The following SFXN5 variants were observed in gnomAD, a reference collection of about 807,000 sequenced individuals.
The protein encoded by SFXN5 is sideroflexin-5.
A neutral mutation model predicts 50.2 loss-of-function variants in SFXN5; 43 were observed. The ratio of observed to expected loss-of-function variants is 0.86; its 90% CI spans 0.67 to 1.11. The LOEUF (loss-of-function observed/expected upper bound fraction) is 1.11. SFXN5 is among the 50% of genes least tolerant of loss of function. SFXN5 has a pLI of 0.00. For missense variants in SFXN5, 463 were observed against 454.1 expected, an observed-to-expected ratio of 1.02 and a Z score of -0.18; for synonymous variants, 203 against 185.8, an observed-to-expected ratio of 1.09 and a Z score of -0.75.
rs115104657 is a variant in SFXN5 at position 72,950,350 on chromosome 2, T to C, written c.946-5251A>G. ...TTTCAGTGACTGCCTGGGGTCCACA[T>C]TGTCCGACCCCCACCTCATGCTGAT... On this transcript the variant is annotated intron_variant, in intron 13 of 13. Coordinates refer to ENST00000272433, the MANE Select transcript of SFXN5 (RefSeq NM_144579.3). The surrounding 1 kb of genome is among the most constrained non-coding windows in gnomAD (Gnocchi z 4.2). 3.8e-3 allele frequency among the ~76,000 whole-genome samples: 586 copies of C among 152,256 alleles called. 2 individuals are homozygous for C. The highest frequency in any genetic ancestry group is 0.013 in the African/African-American group (550 of 41,552).
rs916744840 is a variant in SFXN5 at position 72,960,412 on chromosome 2, C to T, written c.945+719G>A. On this transcript the variant is annotated intron_variant, in intron 13 of 13. Coordinates refer to ENST00000272433, the MANE Select transcript of SFXN5 (RefSeq NM_144579.3). The surrounding 1 kb of genome is among the most constrained non-coding windows in gnomAD (Gnocchi z 6.1). ...CCCGAAGAAGCCGCCTCCTGACTCC[C>T]TCTTTAGGGACCCACTTCTCTCCAT... Among the ~76,000 whole-genome samples the T allele has an allele frequency of 2.0e-5, 3 of 152,150 alleles. No homozygotes were observed. The highest frequency in any genetic ancestry group is 2.9e-5 in the Non-Finnish European group (2 of 68,030).
chr2:72,954,137 G>A (rs1672825313), intron 13 of SFXN5, among the ~76,000 whole-genome samples: 1 of 152,160 alleles, frequency 6.6e-6, no homozygotes, highest in South Asian at 2.1e-4. Flanking sequence ...ATAACGGGCT[G>A]AGGACATCGG....
intron 2 of SFXN5, 95 bp downstream of exon 2, chr2:73,058,433 A>G: frequency 8.4e-7 from 1 of 1,191,308 alleles, no homozygotes; most frequent in Non-Finnish European, 1.2e-6. Context: ...TATTCTCTTC[A>G]CTCCCCCATC....
chr2:73,064,035 A>G (rs1274587752), intron 1 of SFXN5, among the ~76,000 whole-genome samples: 1 of 152,162 alleles, frequency 6.6e-6, no homozygotes, highest in East Asian at 1.9e-4. Context: ...AAGAAAGGTG[A>G]GTCAGCTAAT....
chr2:73,029,573 G>C (rs2105875021), intron 3 of SFXN5, among the ~76,000 whole-genome samples: 1 of 152,166 alleles, frequency 6.6e-6, no homozygotes, highest in South Asian at 2.1e-4. Flanking sequence ...AGGGCCCCAG[G>C]GGCTGGTGGC....
chr2:72,969,055 G>A (rs568688629), intron 11 of SFXN5, among the ~76,000 whole-genome samples: 17 of 151,932 alleles, frequency 1.1e-4, no homozygotes, highest in African/African-American at 3.1e-4. Context: ...TGATCCGCCC[G>A]CCTCAGCATC....
intron 2 of SFXN5, among the ~76,000 whole-genome samples, chr2:73,054,568 C>T (rs2106006944): frequency 6.6e-6 from 1 of 152,284 alleles, no homozygotes; most frequent in African/African-American, 2.4e-5. Context: ...CCTCCTGGCA[C>T]AGGCAGCATG....
intron 6 of SFXN5, among the ~76,000 whole-genome samples, chr2:73,003,604 A>G (rs1014480329): frequency 2.0e-5 from 3 of 152,200 alleles, no homozygotes; most frequent in African/African-American, 7.2e-5. Context: ...CCACAGCCCC[A>G]TCTGCCAAGT....
At chr2:72,995,358 A>T (rs1306077981) in intron 9 of SFXN5, among the ~76,000 whole-genome samples, 1 of 152,204 alleles carries the variant, frequency 6.6e-6, no homozygotes, top group African/African-American at 2.4e-5. Context: ...GCAGCCAGAC[A>T]TTGCCAAATC....
rs185684154 is a variant in SFXN5, at chr2:73,027,576, C to G, written c.250-4362G>C. The stretch of plus-strand genomic sequence containing the variant: ...TGTCCTGGGCCTTCACATTCACTGA[C>G]CACTCACTCACTCACTCAGAGCAAC... On this transcript the variant is annotated intron_variant, in intron 3 of 13. Coordinates refer to ENST00000272433, the MANE Select transcript of SFXN5 (RefSeq NM_144579.3). 2.3e-3 allele frequency among the ~76,000 whole-genome samples: 344 copies of G among 152,296 alleles called. 2 individuals carry two copies. Among genetic ancestry groups the G allele is most frequent in the Admixed American group, 3.1e-3 (48 of 15,286 alleles).
rs1679602481 is a variant in SFXN5 at position 73,041,382 on chromosome 2, A to T, written c.172-451T>A. Among the ~76,000 whole-genome samples the T allele has an allele frequency of 2.0e-5, 3 of 152,168 alleles. No individual in the cohort carries two copies. The South Asian group carries it at 6.2e-4, about 31-fold the overall frequency. On this transcript the variant is annotated intron_variant, in intron 2 of 13. Coordinates refer to ENST00000272433, the MANE Select transcript of SFXN5 (RefSeq NM_144579.3). ...GGCAAGGGGTGTCACAAGGAACTTTAATCTTAATGTAATGTTGAAAGCTTT... is the reference window on the plus strand; with the variant it reads ...GGCAAGGGGTGTCACAAGGAACTTTTATCTTAATGTAATGTTGAAAGCTTT...
intron 9 of SFXN5, among the ~76,000 whole-genome samples, chr2:72,990,025 G>A (rs983157562): frequency 9.7e-4 from 147 of 152,254 alleles, no homozygotes; most frequent in African/African-American, 3.5e-3. Context: ...GCCTTGGGAA[G>A]GCCTCCAGGG....
chr2:73,027,139 T>G (rs1241429239), intron 3 of SFXN5, among the ~76,000 whole-genome samples: 1 of 152,216 alleles, frequency 6.6e-6, no homozygotes, highest in African/African-American at 2.4e-5. Flanking sequence ...GAGGCATACT[T>G]ATCATAGGAG....
intron 13 of SFXN5, among the ~76,000 whole-genome samples, chr2:72,955,312 G>A (rs1408449473): frequency 1.3e-5 from 2 of 152,116 alleles, no homozygotes; most frequent in Non-Finnish European, 2.9e-5. Flanking sequence ...CAGTAATCCC[G>A]CTGCACAGTG....
chr2:73,005,278 G>A (rs546170063), intron 6 of SFXN5, among the ~76,000 whole-genome samples: 13 of 152,276 alleles, frequency 8.5e-5, no homozygotes, highest in Non-Finnish European at 1.9e-4. Context: ...CCCCTCTGCC[G>A]CTCCAGCCCC....
chr2:73,058,951 C>T, intron 1 of SFXN5: 2 of 621,944 alleles, frequency 3.2e-6, no homozygotes, highest in Non-Finnish European at 4.1e-6. Context: ...GGTCCCCAGC[C>T]CTCTCCCAGC....
chr2:73,025,209 T>A (rs1677406991), intron 3 of SFXN5, among the ~76,000 whole-genome samples: 1 of 151,682 alleles, frequency 6.6e-6, no homozygotes, highest in African/African-American at 2.4e-5. Context: ...GTAAGCACCT[T>A]CCTGAAGTGC....
chr2:72,974,857 A>G (rs76108494), intron 10 of SFXN5, among the ~76,000 whole-genome samples: 56 of 104,374 alleles, frequency 5.4e-4, no homozygotes, highest in South Asian at 2.1e-3. Context: ...GAGAGAGAGA[A>G]AAAAAAAAAA....
At position 72,996,506 on chromosome 2, in the gene SFXN5, TG is replaced by T. The variant is rs758733389; in HGVS notation, c.534+2442del. On this transcript the variant is annotated intron_variant, in intron 9 of 13. Transcript: ENST00000272433. ...GGAGCTCTCAGAAAAAGCTGAGTTTTGTTTTTTTTTTTTTTTTTTTGAGACA... is the reference window on the plus strand; with the variant it reads ...GGAGCTCTCAGAAAAAGCTGAGTTTTTTTTTTTTTTTTTTTTTTTGAGACA... 1.3e-3 allele frequency: 159 copies of T among 122,312 alleles called. 4 individuals are homozygous for T. The East Asian group carries it at 0.016, about 12-fold the overall frequency. 7.6% of individuals were successfully genotyped at this position (122,312 alleles called of 1,614,324 possible). A position where few individuals can be genotyped will look rare whatever the true frequency, so the allele number is the denominator to read the frequency against.
Sources: allele counts gnomAD v4.1 joint callset (sites outside exome capture counted in the v4.1 genomes callset), GRCh38; gene constraint gnomAD v4.1.1; non-coding constraint Gnocchi (gnomAD v3.1); transcripts MANE v1.5; gene names NCBI Gene and HGNC (gene_info 2026-07-23, HGNC 2026-07-21).